Variants in MCM4 observed in about 807,000 individuals in gnomAD.
MCM4 encodes minichromosome maintenance complex component 4.
In MCM4, 60 loss-of-function variants were observed where a neutral mutation model predicts 88.7. The ratio of observed to expected loss-of-function variants is 0.68; its 90% CI spans 0.55 to 0.84. The LOEUF (loss-of-function observed/expected upper bound fraction) is 0.84. Ranked by LOEUF, MCM4 falls within the 40% of genes least tolerant of loss-of-function variation. MCM4 has a pLI of 0.00. For synonymous variants in MCM4, 465 were observed against 410.5 expected (o/e 1.13, Z -1.61); for missense variants, 1,149 against 1,105.5 (o/e 1.04, Z -0.56).
intron 14 of MCM4, chr8:47,973,936 A>C (rs983475539): frequency 6.6e-6 from 1 of 152,222 alleles, no homozygotes; most frequent in Admixed American, 6.5e-5. Flanking sequence ...TGAATTTAAG[A>C]TCAAAGACCT....
At chr8:47,973,126 A>G (rs1446863327) in intron 14 of MCM4, 62 bp downstream of exon 14, 3 of 1,306,780 alleles carry the variant, frequency 2.3e-6, no homozygotes, top group Non-Finnish European at 3.2e-6. Flanking sequence ...TAACTGACCA[A>G]TCATCTCCTT....
chr8:47,965,468 TCAA>T (rs1424408649), intron 8 of MCM4, among the ~76,000 whole-genome samples: 1 of 152,092 alleles, frequency 6.6e-6, no homozygotes, highest in African/African-American at 2.4e-5. Flanking sequence ...AGACCCCATC[TCAA>T]CAACAACAAA....
At position 47,974,883 on chromosome 8, in the gene MCM4, A is replaced by T; in HGVS notation, c.2286A>T (p.Lys762Asn). 1 of 1,614,204 alleles carries T rather than the reference A, an allele frequency of 6.2e-7. No individual in the cohort carries two copies. Among genetic ancestry groups the T allele is most frequent in the East Asian group, 2.2e-5 (1 of 44,882 alleles). ...KVEAIDVEEA[K>N]RLHREALKQS... ...AAGCCATTGATGTGGAAGAGGCCAA[A>T]CGCCTCCATCGGGAAGCTCTGAAGC... Residue 762 changes from lysine (K) to asparagine (N), a missense_variant, in exon 15 of 17, where the codon AAA (lysine) becomes AAT (asparagine). Around this residue, in one of 3 missense-constraint regions of MCM4, gnomAD observed 238 missense variants for 241.6 expected, o/e 0.99. Transcript: ENST00000649973.
In MCM4 at chr8:47,977,570, G is replaced by A. The variant is rs967069533; in HGVS notation, c.*792G>A. 7.2e-5 allele frequency: 11 copies of A among 152,096 alleles called. No homozygotes were observed. The highest frequency in any genetic ancestry group is 1.7e-4 in the African/African-American group (7 of 41,402). 9.4% of individuals were successfully genotyped at this position (152,096 alleles called of 1,614,324 possible). On this transcript the variant is annotated 3_prime_UTR_variant, in exon 17 of 17. Coordinates refer to ENST00000649973, the MANE Select transcript of MCM4 (RefSeq NM_182746.3). ...GGCTAGAGTACACTGGTACAATCAC[G>A]GCTCAATGTAGGCTTAACCTCCTGG... is the stretch of plus-strand genomic sequence containing the variant.
At chr8:47,970,124 C>T (rs751413887) in intron 11 of MCM4, 67 bp downstream of exon 11, 270 of 1,522,328 alleles carry the variant, frequency 1.8e-4, no homozygotes, top group South Asian at 1.1e-3. Flanking sequence ...TATAAACATC[C>T]ACTCCGCCAC....
intron 9 of MCM4, 147 bp downstream of exon 9, chr8:47,966,554 T>C: frequency 3.9e-6 from 3 of 773,994 alleles, no homozygotes; most frequent in Admixed American, 2.7e-5. Context: ...TAGTGGCCTA[T>C]GGGCTAAATA....
intron 15 of MCM4, chr8:47,975,172 G>GT (rs972266719): frequency 1.5e-3 from 607 of 407,594 alleles, no homozygotes; most frequent in Middle Eastern, 4.2e-3. Flanking sequence ...TTTGTGTATA[G>GT]TTTTTTTTTG....
At chr8:47,974,630 G>A (rs1210485898) in intron 14 of MCM4, 104 bp from the exon 15 acceptor site, 1 of 859,158 alleles carries the variant, frequency 1.2e-6, no homozygotes, top group African/African-American at 1.7e-5. Context: ...CCATATCTGA[G>A]TTCCGTTTAC....
chr8:47,962,815 G>A lies in MCM4; in HGVS notation c.553G>A (p.Gly185Ser), dbSNP rs1193077983. 6.2e-7 allele frequency: 1 copy of A among 1,609,272 alleles called. No individual in the cohort carries two copies. Among genetic ancestry groups the A allele is most frequent in the Admixed American group, 1.7e-5 (1 of 58,884 alleles). The part of the protein sequence containing the change: ...DPLAKEEENV[G>S]IDITEPLYMQ... ...TCTGGCTAAAGAAGAAGAAAATGTT[G>A]GCATAGATATTACTGAACCTCTATA... is the stretch of plus-strand genomic sequence containing the variant. The change falls in exon 6 of 17, where the codon GGC becomes AGC. Residue 185 changes from glycine to serine, a missense_variant. Around this residue, in one of 3 missense-constraint regions of MCM4, gnomAD observed 906 missense variants for 843.0 expected, o/e 1.07. Coordinates refer to ENST00000649973, the MANE Select transcript of MCM4 (RefSeq NM_182746.3).
At chr8:47,972,609 T>C (rs1455319379) in intron 13 of MCM4, among the ~76,000 whole-genome samples, 1 of 152,112 alleles carries the variant, frequency 6.6e-6, no homozygotes, top group Non-Finnish European at 1.5e-5. Flanking sequence ...CAGGCTGGAG[T>C]GCAGTGACGC....
rs1397748350 is a variant in MCM4, at chr8:47,964,658, G to A, written c.778G>A (p.Val260Ile). ...CTCAATCTTAGAACATCAGATTCAA[G>A]TAAGACCATTCAACGCATTGAAGAC... is the stretch of plus-strand genomic sequence containing the variant. ...PDSILEHQIQ[V>I]RPFNALKTKN... is the part of the protein sequence containing the mutation. Residue 260 changes from valine (V) to isoleucine (I), a missense_variant, in exon 8 of 17, where the codon GTA (valine) becomes ATA (isoleucine). Physicochemically the swap from Val to Ile is conservative, Grantham distance 29. This residue lies in a region of MCM4 where 906 missense variants were observed against 843.0 expected (regional missense o/e 1.07). Coordinates refer to ENST00000649973, the MANE Select transcript of MCM4 (RefSeq NM_182746.3). 1.2e-6 allele frequency: 2 copies of A among 1,605,970 alleles called. No homozygotes were observed. The highest frequency in any genetic ancestry group is 1.3e-5 in the African/African-American group (1 of 74,682).
At chr8:47,961,968 C>G (rs1420756154) in intron 3 of MCM4, 85 bp from the exon 4 acceptor site, 4 of 1,263,634 alleles carry the variant, frequency 3.2e-6, no homozygotes, top group South Asian at 2.5e-5. Context: ...TTTGCTGTTG[C>G]GATTAGATGG....
rs1412757899 is a variant in MCM4 at position 47,969,821 on chromosome 8, C to G, written c.1198C>G (p.Arg400Gly). 3 of 1,614,186 alleles carry G rather than the reference C, an allele frequency of 1.9e-6. No homozygotes were observed. The highest frequency in any genetic ancestry group is 1.3e-5 in the African/African-American group (1 of 75,036). Residue 400 changes from arginine to glycine, a missense_variant, in exon 11 of 17, where the codon CGA becomes GGA. This residue lies in a region of MCM4 where 906 missense variants were observed against 843.0 expected (regional missense o/e 1.07). Transcript: ENST00000649973. ...VTGIYRAVPI[R>G]VNPRVSNVKS... is the part of the protein sequence containing the mutation. ...AGGCATCTATCGAGCTGTGCCTATT[C>G]GAGTCAATCCAAGAGTGAGTAATGT...
chr8:47,975,683 A>G (rs752305654), intron 15 of MCM4, 32 bp from the exon 16 acceptor site: 1 of 1,484,554 alleles, frequency 6.7e-7, no homozygotes, highest in Admixed American at 2.6e-5. Context: ...CATAATAGCA[A>G]AAATGTTTTC....
At chr8:47,971,519 A>G (rs1200039775) in intron 13 of MCM4, 51 bp downstream of exon 13, 2 of 1,580,914 alleles carry the variant, frequency 1.3e-6, no homozygotes, top group African/African-American at 1.3e-5. Flanking sequence ...TCAGGGTGAG[A>G]TTGAAAAGGA....
chr8:47,964,792 A>G, intron 8 of MCM4, 80 bp downstream of exon 8: 1 of 1,242,370 alleles, frequency 8.0e-7, no homozygotes, highest in Non-Finnish European at 1.1e-6. Context: ...TTGAGAAATT[A>G]TGAAAGAAGT....
chr8:47,964,889 T>C (rs2090885339), intron 8 of MCM4, among the ~76,000 whole-genome samples, 177 bp downstream of exon 8: 1 of 152,240 alleles, frequency 6.6e-6, no homozygotes, highest in Non-Finnish European at 1.5e-5. Context: ...CCCCCTATAC[T>C]TTTTAAATTT....
chr8:47,975,172 GTT>G, intron 15 of MCM4: 2 of 408,984 alleles, frequency 4.9e-6, no homozygotes, highest in Non-Finnish European at 8.7e-6. Flanking sequence ...TTTGTGTATA[GTT>G]TTTTTTTGTT....
chr8:47,970,341 G>A (rs993902128), intron 11 of MCM4, among the ~76,000 whole-genome samples, 170 bp from the exon 12 acceptor site: 1 of 152,170 alleles, frequency 6.6e-6, no homozygotes, highest in African/African-American at 2.4e-5. Context: ...CTGATGAACT[G>A]GTCAGTGATA....
Sources: allele counts gnomAD v4.1 joint callset (sites outside exome capture counted in the v4.1 genomes callset), GRCh38; gene constraint gnomAD v4.1.1; regional missense constraint gnomAD v4.1.1; transcripts MANE v1.5; gene names NCBI Gene and HGNC (gene_info 2026-07-23, HGNC 2026-07-21).